The following PSTPIP1 variants were observed in gnomAD, a reference collection of about 807,000 sequenced individuals.
The protein encoded by PSTPIP1 is proline-serine-threonine phosphatase-interacting protein 1.
Under a neutral mutation model 69.6 loss-of-function variants are expected in PSTPIP1, and 66 were observed. The ratio of observed to expected loss-of-function variants is 0.95; its 90% CI spans 0.78 to 1.16. The LOEUF is 1.16. Among genes scored for constraint, PSTPIP1 ranks in the 50% most tolerant of loss-of-function variants. The pLI is 0.00. For missense variants in PSTPIP1, 603 were observed against 557.4 expected (o/e 1.08, Z -0.82); for synonymous variants, 266 against 222.7 (o/e 1.19, Z -1.73).
chr15:77,025,458 G>C, intron 4 of PSTPIP1, 40 bp from the exon 5 acceptor site: 1 of 1,584,578 alleles, frequency 6.3e-7, no homozygotes, highest in Non-Finnish European at 8.6e-7. Flanking sequence ...AGGCCCATCA[G>C]ATCTGACACT....
chr15:77,035,672 T>C (rs895021915), intron 13 of PSTPIP1, 109 bp downstream of exon 13: 17 of 1,473,762 alleles, frequency 1.2e-5, no homozygotes, highest in Non-Finnish European at 1.6e-5. Flanking sequence ...GAAGTGTGTG[T>C]CCCCCAACAG....
At chr15:77,036,419 C>G (rs147740780) in intron 14 of PSTPIP1, among the ~76,000 whole-genome samples, 1 of 152,166 alleles carries the variant, frequency 6.6e-6, no homozygotes, top group East Asian at 1.9e-4. Flanking sequence ...CAGAATGAGT[C>G]TTGCTATCGT....
At chr15:77,000,476 T>TAGATATATATATAC (rs1033258180) in intron 1 of PSTPIP1, among the ~76,000 whole-genome samples, 7 of 146,794 alleles carry the variant, frequency 4.8e-5, no homozygotes, top group African/African-American at 1.8e-4. Context: ...TATATATATA[T>TAGATATATATATAC]ACACACACAC....
At position 77,012,983 on chromosome 15, in the gene PSTPIP1, A is replaced by AC. The variant is rs553410132; in HGVS notation, c.37-5159dup. Among the ~76,000 whole-genome samples the AC allele has an allele frequency of 2.6e-3, 390 of 151,480 alleles. 24 individuals carry two copies. In the South Asian group the frequency reaches 0.075, roughly 29 times the overall value. On this transcript the variant is annotated intron_variant, in intron 1 of 14. Transcript: ENST00000558012. The stretch of plus-strand genomic sequence containing the variant: ...CGGGATCCAGTGGGGAACCTGAAAG[A>AC]CCCCCCTCTGCCTCCATGGAGCTCA...
At chr15:76,997,187 ACT>A (rs2075599216) in intron 1 of PSTPIP1, among the ~76,000 whole-genome samples, 1 of 152,098 alleles carries the variant, frequency 6.6e-6, no homozygotes, top group Admixed American at 6.5e-5. Context: ...TCCTGCCCAC[ACT>A]CTGTGCTCGT....
At chr15:76,999,028 A>T (rs2075640969) in intron 1 of PSTPIP1, among the ~76,000 whole-genome samples, 1 of 152,138 alleles carries the variant, frequency 6.6e-6, no homozygotes, top group Non-Finnish European at 1.5e-5. Flanking sequence ...CTGAGCGGAG[A>T]GGGCACTGGC....
chr15:77,018,309 C>T, intron 2 of PSTPIP1, 61 bp downstream of exon 2: 3 of 1,542,842 alleles, frequency 1.9e-6, no homozygotes, highest in South Asian at 1.2e-5. Context: ...CCGCTCGGCT[C>T]CTGGGACAGT....
intron 4 of PSTPIP1, 68 bp from the exon 5 acceptor site, chr15:77,025,430 G>T: frequency 1.3e-6 from 2 of 1,584,124 alleles, no homozygotes; most frequent in Non-Finnish European, 1.7e-6. Flanking sequence ...GCCCACACGG[G>T]TGAGTTGTGG....
intron 1 of PSTPIP1, among the ~76,000 whole-genome samples, chr15:76,998,321 C>T (rs1417669305): frequency 5.3e-5 from 8 of 152,160 alleles, no homozygotes; most frequent in Non-Finnish European, 8.8e-5. Context: ...ATACAGAACA[C>T]GGGGCGGAGG....
chr15:77,032,971 G>A lies in PSTPIP1; in HGVS notation c.929+19G>A. On this transcript the variant is annotated intron_variant, in intron 12 of 14. Coordinates refer to ENST00000558012, the MANE Select transcript of PSTPIP1 (RefSeq NM_003978.5). ...TAAAGAGGTGAGGCCCCGACAGACG[G>A]AGGGAGGGCCTAAGGCTGGGCCAGG... is the stretch of plus-strand genomic sequence containing the variant. The A allele has an allele frequency of 6.3e-7, 1 of 1,582,186 alleles. No homozygotes were observed. The highest frequency in any genetic ancestry group is 1.7e-4 in the Middle Eastern group (1 of 6,032).
intron 3 of PSTPIP1, among the ~76,000 whole-genome samples, chr15:77,019,527 T>A (rs2152679781): frequency 6.6e-6 from 1 of 152,186 alleles, no homozygotes; most frequent in South Asian, 2.1e-4. Flanking sequence ...GGCTTAGATG[T>A]GGCATGAGCC....
intron 3 of PSTPIP1, 73 bp from the exon 4 acceptor site, chr15:77,025,211 G>A (rs889761533): frequency 1.7e-5 from 26 of 1,509,228 alleles, no homozygotes; most frequent in Admixed American, 5.0e-5. Flanking sequence ...TGCCCACCCC[G>A]CCGGGAGGCA....
rs1293753093 is a variant in PSTPIP1 at position 77,025,331 on chromosome 15, C to T, written c.247+13C>T. 1 of 1,605,264 alleles carries T rather than the reference C, an allele frequency of 6.2e-7. No homozygotes were observed. Reference sequence around the variant, plus strand: ...TCCTTGAAGCAGCGTAAGTCCCCTACCCTGGGGCAATGGGATCTTTTGGGA... The same window carrying T: ...TCCTTGAAGCAGCGTAAGTCCCCTATCCTGGGGCAATGGGATCTTTTGGGA... On this transcript the variant is annotated intron_variant, in intron 4 of 14. Coordinates refer to ENST00000558012, the MANE Select transcript of PSTPIP1 (RefSeq NM_003978.5).
rs767891976 is a variant in PSTPIP1 at position 77,032,566 on chromosome 15, C to T, written c.838+172C>T. The T allele has an allele frequency of 2.5e-5, 17 of 688,578 alleles. No homozygotes were observed. In the South Asian group the frequency reaches 2.8e-4, roughly 11 times the overall value. The allele number at this position is 688,578 out of a possible 1,614,324, so 42.7% of individuals were successfully genotyped here. Reference sequence around the variant, plus strand: ...TTGGGTCCCAGGCCTGCTGCCTCCTCTCAGGCAAAGCTAAGGGCATGATGG... The same window carrying T: ...TTGGGTCCCAGGCCTGCTGCCTCCTTTCAGGCAAAGCTAAGGGCATGATGG... On this transcript the variant is annotated intron_variant, in intron 11 of 14. Coordinates refer to ENST00000558012, the MANE Select transcript of PSTPIP1 (RefSeq NM_003978.5).
In PSTPIP1 at chr15:77,035,855, G is replaced by C; in HGVS notation, c.1039G>C (p.Ala347Pro). ...TPERNEGVYT[A>P]IAVQEIQGNP... ...CGAGCGGAATGAGGGTGTCTACACA[G>C]CCATCGCAGTGCAGGAGATACAGGG... The change falls in exon 14 of 15, where the codon GCC becomes CCC. Residue 347 changes from alanine (A) to proline (P), a missense_variant. Transcript: ENST00000558012. 1 of 1,610,728 alleles carries C rather than the reference G, an allele frequency of 6.2e-7. No homozygotes were observed. The highest frequency in any genetic ancestry group is 8.5e-7 in the Non-Finnish European group (1 of 1,179,684).
chr15:77,001,332 C>T (rs1187140068), intron 1 of PSTPIP1, among the ~76,000 whole-genome samples: 1 of 152,176 alleles, frequency 6.6e-6, no homozygotes, highest in Non-Finnish European at 1.5e-5. Context: ...CTTTGGGATC[C>T]CCCATAGTCC....
chr15:76,996,927 G>A (rs1035171865), intron 1 of PSTPIP1, among the ~76,000 whole-genome samples: 1 of 152,162 alleles, frequency 6.6e-6, no homozygotes, highest in Admixed American at 6.5e-5. Context: ...AAAGTTGGGG[G>A]AAGGGGTAGG....
In PSTPIP1 at chr15:77,035,996, T is replaced by G. The variant is rs539670123; in HGVS notation, c.1119+61T>G. 2.6e-5 allele frequency: 39 copies of G among 1,510,858 alleles called. No homozygotes were observed. In the South Asian group the frequency reaches 4.4e-4, roughly 17 times the overall value. 93.6% of individuals were successfully genotyped at this position (1,510,858 alleles called of 1,614,324 possible). ...CTCCCCTGCACCTGAGAGCTCCCTC[T>G]CCCATCCAGTGCCTTGCGTCCTCAT... On this transcript the variant is annotated intron_variant, in intron 14 of 14. Coordinates refer to ENST00000558012, the MANE Select transcript of PSTPIP1 (RefSeq NM_003978.5).
At chr15:77,035,236 G>C (rs9707978) in intron 12 of PSTPIP1, among the ~76,000 whole-genome samples, 3 of 152,196 alleles carry the variant, frequency 2.0e-5, no homozygotes, top group Non-Finnish European at 4.4e-5. Flanking sequence ...ATCCTCCCAA[G>C]GGCCCTGCAG....
Sources: allele counts gnomAD v4.1 joint callset (sites outside exome capture counted in the v4.1 genomes callset), GRCh38; gene constraint gnomAD v4.1.1; transcripts MANE v1.5; gene names NCBI Gene and HGNC (gene_info 2026-07-23, HGNC 2026-07-21).